The following TFB1M variants were observed in gnomAD, a reference collection of about 807,000 sequenced individuals.
TFB1M encodes transcription factor B1, mitochondrial, also known as dimethyladenosine transferase 1, mitochondrial.
Under a neutral mutation model 31.1 loss-of-function variants are expected in TFB1M, and 27 were observed. That is an observed-to-expected ratio of 0.87 (90% CI 0.64 to 1.20). TFB1M has a LOEUF of 1.20. Ranked by LOEUF, TFB1M falls within the 50% of genes most tolerant of loss-of-function variation. TFB1M has a pLI of 0.00. For missense variants in TFB1M, 394 were observed against 418.7 expected (o/e 0.94, Z 0.51); for synonymous variants, 166 against 151.8 (o/e 1.09, Z -0.69).
At chr6:155,254,362 T>C (rs1388371885), downstream of TFB1M, 1 of 1,584,374 alleles carries the variant, frequency 6.3e-7, no homozygotes, top group African/African-American at 1.3e-5. Context: ...GGGCGTGGAA[T>C]GGAAGCACGA....
intron 2 of TFB1M, among the ~76,000 whole-genome samples, chr6:155,300,516 C>T (rs1174727732): frequency 2.0e-5 from 3 of 152,070 alleles, no homozygotes; most frequent in South Asian, 2.1e-4. Flanking sequence ...CAATGGAAAA[C>T]GCTAAAATTT....
At chr6:155,235,862 C>T in the TFB1M span, among the ~76,000 whole-genome samples, 85 of 152,132 alleles carry the variant, frequency 5.6e-4, no homozygotes, top group African/African-American at 1.8e-3. Flanking sequence ...TGTAAGATCT[C>T]GTTACTTTAA....
At chr6:155,276,289 A>G (rs1248930658) in intron 5 of TFB1M, 2 of 1,613,984 alleles carry the variant, frequency 1.2e-6, no homozygotes, top group African/African-American at 2.7e-5. Context: ...AAAGGAATCC[A>G]GAAGCTAGAC....
intron 4 of TFB1M, among the ~76,000 whole-genome samples, chr6:155,293,847 A>G (rs1217360035): frequency 6.6e-6 from 1 of 152,172 alleles, no homozygotes; most frequent in African/African-American, 2.4e-5. Context: ...CATGAATTCA[A>G]TCTTAAACTC....
Position 155,311,288 on chromosome 6 carries a change from A to G in TFB1M, c.185T>C (p.Val62Ala). 2 of 1,614,084 alleles carry G rather than the reference A, an allele frequency of 1.2e-6. No homozygotes were observed. Among genetic ancestry groups the G allele is most frequent in the Non-Finnish European group, 1.7e-6 (2 of 1,179,928 alleles). The change falls in exon 2 of 7, where the codon GTG becomes GCG. Residue 62 changes from valine (V) to alanine (A), a missense_variant. Val to Ala is a moderately conservative substitution (Grantham distance 64). Coordinates refer to ENST00000367166, the MANE Select transcript of TFB1M (RefSeq NM_016020.4). ...GNLTNAYVYE[V>A]GPGPGGITRS... ...TGTGATTCCCCCTGGCCCAGGGCCCACTTCGTAAACATAAGCATTTGTCAG... is the reference window on the plus strand; with the variant it reads ...TGTGATTCCCCCTGGCCCAGGGCCCGCTTCGTAAACATAAGCATTTGTCAG...
intron 6 of TFB1M, among the ~76,000 whole-genome samples, 190 bp downstream of exon 6, chr6:155,260,083 G>C (rs549350336): frequency 1.3e-5 from 2 of 152,234 alleles, no homozygotes; most frequent in Admixed American, 1.3e-4. Flanking sequence ...AAGCCACCCT[G>C]AGAGAGGCCA....
At chr6:155,249,829 AAT>A in the TFB1M span, 3 of 1,578,804 alleles carry the variant, frequency 1.9e-6, no homozygotes. Context: ...TTATGAAATA[AAT>A]ATGATTTCAT....
the TFB1M span, among the ~76,000 whole-genome samples, chr6:155,230,513 C>T: frequency 7.2e-6 from 1 of 139,200 alleles, no homozygotes; most frequent in Non-Finnish European, 1.5e-5. Flanking sequence ...TTGCTTAAAG[C>T]TTGTCTTCCC....
At chr6:155,306,625 A>G (rs1424464254) in intron 2 of TFB1M, among the ~76,000 whole-genome samples, 2 of 152,210 alleles carry the variant, frequency 1.3e-5, no homozygotes, top group Non-Finnish European at 2.9e-5. Flanking sequence ...CAGACCAAAA[A>G]AAAAGTACAT....
At chr6:155,277,017 G>A (rs1382940057) in intron 5 of TFB1M, among the ~76,000 whole-genome samples, 2 of 152,226 alleles carry the variant, frequency 1.3e-5, no homozygotes, top group African/African-American at 4.8e-5. Context: ...ATTGGTAAAT[G>A]CTACCACAGT....
chr6:155,243,072 C>G, the TFB1M span, among the ~76,000 whole-genome samples: 1 of 151,928 alleles, frequency 6.6e-6, no homozygotes, highest in Non-Finnish European at 1.5e-5. Flanking sequence ...CAAAATCTTT[C>G]GCTCATGGGT....
At chr6:155,244,197 C>A in the TFB1M span, 2 of 1,010,126 alleles carry the variant, frequency 2.0e-6, no homozygotes, top group Non-Finnish European at 1.5e-6. Context: ...CAAGACTTAA[C>A]GGTCTTCTGA....
chr6:155,260,572 G>A (rs761930980), intron 5 of TFB1M, 172 bp from the exon 6 acceptor site: 26 of 795,188 alleles, frequency 3.3e-5, no homozygotes, highest in Non-Finnish European at 5.0e-5. Flanking sequence ...GTACATTCTG[G>A]ATTCGCAAAT....
chr6:155,273,257 A>G lies in TFB1M; in HGVS notation c.666+11901T>C, dbSNP rs111352140. On this transcript the variant is annotated intron_variant, in intron 5 of 6. Transcript: ENST00000367166. Reference sequence around the variant, plus strand: ...GTATGATAGCAGGTGAATCCTAGGCACACTGATGTCTACAGATAAGTCTGA... The same window carrying G: ...GTATGATAGCAGGTGAATCCTAGGCGCACTGATGTCTACAGATAAGTCTGA... Among the ~76,000 whole-genome samples the G allele has an allele frequency of 8.3e-3, 1,258 of 152,340 alleles. 23 individuals are homozygous for G. Among genetic ancestry groups the G allele is most frequent in the African/African-American group, 0.028 (1,175 of 41,580 alleles).
chr6:155,263,070 G>C (rs1040062850), intron 5 of TFB1M, among the ~76,000 whole-genome samples: 13 of 152,106 alleles, frequency 8.5e-5, no homozygotes, highest in African/African-American at 3.1e-4. Flanking sequence ...TATGTCTCCT[G>C]CTTCTGGGAC....
the TFB1M span, chr6:155,248,052 G>T: frequency 6.2e-7 from 1 of 1,614,214 alleles, no homozygotes; most frequent in Non-Finnish European, 8.5e-7. Context: ...ACCCCACCAA[G>T]CAGCATTCCT....
At chr6:155,275,523 T>C in intron 5 of TFB1M, 1 of 566,702 alleles carries the variant, frequency 1.8e-6, no homozygotes, top group South Asian at 2.3e-5. Context: ...AGAAGGGGGA[T>C]ACTCAGATGT....
intron 5 of TFB1M, among the ~76,000 whole-genome samples, chr6:155,282,272 G>A (rs1776400869): frequency 6.6e-6 from 1 of 152,166 alleles, no homozygotes; most frequent in Admixed American, 6.5e-5. Context: ...AGCTTAATAA[G>A]AGTAAAGTTC....
the TFB1M span, among the ~76,000 whole-genome samples, chr6:155,236,480 T>C: frequency 6.6e-6 from 1 of 152,002 alleles, no homozygotes; most frequent in Non-Finnish European, 1.5e-5. Flanking sequence ...CTGGCCAACA[T>C]GGCAAAACCC....
Sources: gnomAD v4.1 joint callset for allele counts (sites outside exome capture counted in the v4.1 genomes callset) on GRCh38, gnomAD v4.1.1 for gene constraint, MANE v1.5 for transcripts, NCBI Gene and HGNC (gene_info 2026-07-23, HGNC 2026-07-21) for gene names.